IQGAP3: variants seen among roughly 807,000 people sequenced by gnomAD.
IQGAP3 encodes the protein ras GTPase-activating-like protein IQGAP3.
A neutral mutation model predicts 208.2 loss-of-function variants in IQGAP3; 165 were observed. The ratio of observed to expected loss-of-function variants is 0.79; its 90% CI spans 0.70 to 0.90. The LOEUF (loss-of-function observed/expected upper bound fraction) is 0.90, where lower values mean the gene tolerates loss of function less well. Ranked by LOEUF, IQGAP3 falls within the 40% of genes least tolerant of loss-of-function variation. IQGAP3 has a pLI of 0.00. For missense variants in IQGAP3, 1,811 were observed against 2,043.1 expected (o/e 0.89, Z 2.19); for synonymous variants, 703 against 803.6 (o/e 0.87, Z 2.12).
At chr1:156,543,340 T>C (rs565477161) in intron 22 of IQGAP3, among the ~76,000 whole-genome samples, 1 of 152,148 alleles carries the variant, frequency 6.6e-6, no homozygotes, top group South Asian at 2.1e-4. Context: ...GAACAGGACA[T>C]CTCACCAGAA....
At chr1:156,565,235 C>G in intron 4 of IQGAP3, among the ~76,000 whole-genome samples, 1 of 152,180 alleles carries the variant, frequency 6.6e-6, no homozygotes, top group East Asian at 1.9e-4. Context: ...CGAGTGGCAC[C>G]AGGTATGGCT....
intron 20 of IQGAP3, 26 bp downstream of exon 20, chr1:156,544,363 G>T: frequency 6.3e-7 from 1 of 1,594,814 alleles, no homozygotes; most frequent in South Asian, 1.1e-5. Context: ...TGAGAGAAAG[G>T]AGCCTGCCAA....
At chr1:156,545,245 G>A (rs529962262) in intron 19 of IQGAP3, among the ~76,000 whole-genome samples, 26 of 152,104 alleles carry the variant, frequency 1.7e-4, no homozygotes, top group Admixed American at 3.9e-4. Context: ...CTCCTTCCTA[G>A]GAGACTTTTC....
At chr1:156,531,983 C>T (rs1674432202) in intron 32 of IQGAP3, among the ~76,000 whole-genome samples, 1 of 152,128 alleles carries the variant, frequency 6.6e-6, no homozygotes, top group African/African-American at 2.4e-5. Context: ...CACTTTGGCT[C>T]CTCTTCTGCC....
At chr1:156,567,147 A>C (rs145711212) in intron 2 of IQGAP3, among the ~76,000 whole-genome samples, 1 of 152,130 alleles carries the variant, frequency 6.6e-6, no homozygotes, top group African/African-American at 2.4e-5. Context: ...GATTACAGGC[A>C]TGAGCCACCG....
At chr1:156,555,962 G>A (rs1242586866) in intron 12 of IQGAP3, among the ~76,000 whole-genome samples, 2 of 152,226 alleles carry the variant, frequency 1.3e-5, no homozygotes, top group Non-Finnish European at 2.9e-5. Context: ...TGCTGTGGGT[G>A]TAGTTCTCTA....
chr1:156,527,489 CA>C lies in IQGAP3; in HGVS notation c.4782+462del, dbSNP rs1467664677. 2.0e-5 allele frequency among the ~76,000 whole-genome samples: 3 copies of C among 152,136 alleles called. No homozygotes were observed. In the East Asian group the frequency reaches 5.8e-4, roughly 30 times the overall value. On this transcript the variant is annotated intron_variant, in intron 37 of 37. Coordinates refer to ENST00000361170, the MANE Select transcript of IQGAP3 (RefSeq NM_178229.5). ...TAAGGCTCCGTCTCAAGAAAACAAA[CA>C]AACAAAAACCCAAAAAAGCAACAAC...
At chr1:156,552,472 C>T (rs966509111) in intron 13 of IQGAP3, among the ~76,000 whole-genome samples, 1 of 152,240 alleles carries the variant, frequency 6.6e-6, no homozygotes, top group Admixed American at 6.5e-5. Flanking sequence ...CAACAGCTCA[C>T]ATCTGAACTG....
In IQGAP3 at chr1:156,540,923, G is replaced by A. The variant is rs375345441; in HGVS notation, c.2531-7C>T. The A allele has an allele frequency of 3.7e-6, 6 of 1,611,808 alleles. No homozygotes were observed. In the African/African-American group the frequency reaches 5.3e-5, roughly 14 times the overall value. On this transcript the variant is annotated splice_polypyrimidine_tract_variant and splice_region_variant and intron_variant, in intron 22 of 37. Transcript: ENST00000361170. ...GGAGGGTGGGGTGCATGCACTGGGA[G>A]GAAGGGAGGAGGCATCAGGATTAGC...
intron 3 of IQGAP3, 93 bp from the exon 4 acceptor site, chr1:156,566,197 T>C: frequency 7.7e-7 from 1 of 1,305,182 alleles, no homozygotes; most frequent in Non-Finnish European, 1.1e-6. Context: ...TCAGGAGAGA[T>C]GGGCAGAGGG....
chr1:156,565,877 C>T (rs2102443862), intron 4 of IQGAP3, 150 bp downstream of exon 4: 1 of 661,960 alleles, frequency 1.5e-6, no homozygotes, highest in South Asian at 1.8e-5. Flanking sequence ...TTCAAAGACA[C>T]ACAGCTGCAA....
In IQGAP3 at chr1:156,564,628, T is replaced by C; in HGVS notation, c.424A>G (p.Ile142Val). 6.2e-7 allele frequency: 1 copy of C among 1,612,872 alleles called. No individual in the cohort carries two copies. The highest frequency in any genetic ancestry group is 8.5e-7 in the Non-Finnish European group (1 of 1,178,830). The change falls in exon 5 of 38, where the codon ATC becomes GTC. Residue 142 changes from isoleucine to valine, a missense_variant. Transcript: ENST00000361170. ...GAGGTCTCTCACCTGAGAGCATGGA[T>C]GCAGTAGACTACCCGGGGCATGTTC... is the stretch of plus-strand genomic sequence containing the variant. ...KKNMPRVVYC[I>V]HALSLFLFRL... is the part of the protein sequence containing the mutation.
At position 156,534,670 on chromosome 1, in the gene IQGAP3, C is replaced by T. The variant is rs143013907; in HGVS notation, c.3571G>A (p.Asp1191Asn). ...NPAVVAPDAF[D>N]IVAMAAGGAL... ...CCACCAGCTGCCATGGCCACAATGTCGAAGGCGTCAGGAGCCACCACAGCT... is the reference window on the plus strand; with the variant it reads ...CCACCAGCTGCCATGGCCACAATGTTGAAGGCGTCAGGAGCCACCACAGCT... Residue 1191 changes from aspartate (D) to asparagine (N), a missense_variant, in exon 29 of 38, where the codon GAC (aspartate) becomes AAC (asparagine). Coordinates refer to ENST00000361170, the MANE Select transcript of IQGAP3 (RefSeq NM_178229.5). 3.1e-5 allele frequency: 50 copies of T among 1,611,432 alleles called. No homozygotes were observed. Among genetic ancestry groups the T allele is most frequent in the East Asian group, 4.5e-5 (2 of 44,862 alleles).
At chr1:156,530,082 G>T in intron 34 of IQGAP3, 23 bp downstream of exon 34, 1 of 1,561,060 alleles carries the variant, frequency 6.4e-7, no homozygotes, top group East Asian at 2.3e-5. Context: ...ACAGGCACAC[G>T]GAGCCCAGGC....
intron 9 of IQGAP3, 143 bp downstream of exon 9, chr1:156,562,444 G>T: frequency 1.4e-6 from 1 of 698,852 alleles, no homozygotes; most frequent in Non-Finnish European, 2.6e-6. Context: ...ATACTCCTTG[G>T]ACTCTGATCT....
At chr1:156,547,386 CAG>C (rs1196139182) in intron 19 of IQGAP3, among the ~76,000 whole-genome samples, 10 of 86,352 alleles carry the variant, frequency 1.2e-4, no homozygotes, top group African/African-American at 2.4e-4. Flanking sequence ...CACAGACACA[CAG>C]ACACACACAC....
chr1:156,550,944 T>A (rs1675518222), intron 15 of IQGAP3, among the ~76,000 whole-genome samples: 1 of 152,182 alleles, frequency 6.6e-6, no homozygotes, highest in Non-Finnish European at 1.5e-5. Flanking sequence ...AACCCCAGAT[T>A]CTACTCCTTC....
At position 156,534,152 on chromosome 1, in the gene IQGAP3, G is replaced by A; in HGVS notation, c.3741-11C>T. The A allele has an allele frequency of 6.2e-7, 1 of 1,613,010 alleles. No homozygotes were observed. The highest frequency in any genetic ancestry group is 1.1e-5 in the South Asian group (1 of 91,086). On this transcript the variant is annotated splice_polypyrimidine_tract_variant and intron_variant, in intron 29 of 37. Transcript: ENST00000361170. ...CTATGGATGAACTTCCTGTCCAGAG[G>A]GCGGGCATGTGAGAGAGCGGGGAGG...
At chr1:156,551,906 G>T in intron 14 of IQGAP3, 38 bp from the exon 15 acceptor site, 1 of 1,598,158 alleles carries the variant, frequency 6.3e-7, no homozygotes, top group Non-Finnish European at 8.5e-7. Flanking sequence ...GGGGCCCCTA[G>T]ACTTAATGGC....
Sources: gnomAD v4.1 joint callset for allele counts (sites outside exome capture counted in the v4.1 genomes callset) on GRCh38, gnomAD v4.1.1 for gene constraint, MANE v1.5 for transcripts, NCBI Gene and HGNC (gene_info 2026-07-23, HGNC 2026-07-21) for gene names.